ANKRD44: variants seen among roughly 807,000 people sequenced by gnomAD.
The protein encoded by ANKRD44 is ankyrin repeat domain 44, also known as serine/threonine-protein phosphatase 6 regulatory ankyrin repeat subunit B.
A neutral mutation model predicts 116.0 loss-of-function variants in ANKRD44; 35 were observed. The ratio of observed to expected loss-of-function variants is 0.30; its 90% confidence interval spans 0.23 to 0.40. The LOEUF (loss-of-function observed/expected upper bound fraction) is 0.40. ANKRD44 is among the 10% of genes least tolerant of loss of function. ANKRD44 has a pLI of 1.00. For missense variants in ANKRD44, 1,014 were observed against 1,242.6 expected, an observed-to-expected ratio of 0.82 and a Z score of 2.77; for synonymous variants, 435 against 461.8, an observed-to-expected ratio of 0.94 and a Z score of 0.74.
At chr2:197,297,994 C>T (rs2083774286) in intron 1 of ANKRD44, among the ~76,000 whole-genome samples, 1 of 152,168 alleles carries the variant, frequency 6.6e-6, no homozygotes, top group Non-Finnish European at 1.5e-5. Flanking sequence ...TGCTTATGGT[C>T]TATTCTTAAA....
At chr2:197,270,249 G>A (rs918011387) in intron 1 of ANKRD44, among the ~76,000 whole-genome samples, 1 of 152,226 alleles carries the variant, frequency 6.6e-6, no homozygotes, top group East Asian at 1.9e-4. Context: ...CAGAGTTAAG[G>A]CCTTGCACAT....
chr2:196,997,808 G>GAAA (rs34898441), intron 25 of ANKRD44, among the ~76,000 whole-genome samples: 1 of 150,332 alleles, frequency 6.7e-6, no homozygotes, highest in Non-Finnish European at 1.5e-5. Flanking sequence ...ACCACTATTT[G>GAAA]AAAAAAAAAA....
chr2:197,044,164 T>C (rs1309098889), intron 16 of ANKRD44, among the ~76,000 whole-genome samples: 3 of 152,252 alleles, frequency 2.0e-5, no homozygotes, highest in Admixed American at 2.0e-4. Context: ...CTTCTCTGTA[T>C]GTTATCATAG....
chr2:197,225,230 C>T (rs932626276), intron 1 of ANKRD44, among the ~76,000 whole-genome samples: 7 of 152,080 alleles, frequency 4.6e-5, no homozygotes, highest in African/African-American at 9.7e-5. Context: ...TTTTGCTATT[C>T]GAGCGTAAAC....
intron 8 of ANKRD44, among the ~76,000 whole-genome samples, chr2:197,112,506 G>C (rs1055603289): frequency 1.3e-5 from 2 of 152,036 alleles, no homozygotes; most frequent in Admixed American, 1.3e-4. Context: ...TCAGGAGATA[G>C]AGCCCATCTT....
chr2:197,083,358 G>A lies in ANKRD44; in HGVS notation c.1457+11C>T. The A allele has an allele frequency of 1.2e-6, 2 of 1,609,930 alleles. No homozygotes were observed. The highest frequency in any genetic ancestry group is 2.2e-5 in the East Asian group (1 of 44,768). On this transcript the variant is annotated intron_variant, in intron 14 of 27. Coordinates refer to ENST00000282272, the MANE Select transcript of ANKRD44 (RefSeq NM_001195144.2). The stretch of plus-strand genomic sequence containing the variant: ...TGTTCCCAGAGGAAGCATGAGCAAG[G>A]CTGTTTTTACTTTCTATCCATGTCT...
At chr2:197,069,057 A>G (rs1398530387) in intron 16 of ANKRD44, among the ~76,000 whole-genome samples, 1 of 152,272 alleles carries the variant, frequency 6.6e-6, no homozygotes, top group Admixed American at 6.5e-5. Flanking sequence ...CCAAATGTCC[A>G]TCAATGATAG....
intron 2 of ANKRD44, among the ~76,000 whole-genome samples, chr2:197,155,713 T>A (rs1307634735): frequency 6.6e-6 from 1 of 152,124 alleles, no homozygotes; most frequent in East Asian, 1.9e-4. Context: ...AATTATAAAA[T>A]ATCTAAAGGA....
intron 17 of ANKRD44, 60 bp from the exon 18 acceptor site, chr2:197,013,772 T>C: frequency 6.3e-7 from 1 of 1,582,322 alleles, no homozygotes. Flanking sequence ...CCCGCCACAG[T>C]CCACAGGAGG....
chr2:196,981,975 T>C (rs117681040), downstream of ANKRD44, among the ~76,000 whole-genome samples: 278 of 151,364 alleles, frequency 1.8e-3, 3 homozygotes, highest in East Asian at 0.037. Context: ...CTCTGACCAT[T>C]ATGTCTTGTC....
At chr2:197,043,146 G>A (rs189336026) in intron 16 of ANKRD44, among the ~76,000 whole-genome samples, 67 of 152,288 alleles carry the variant, frequency 4.4e-4, no homozygotes, top group Admixed American at 1.0e-3. Flanking sequence ...TTCAATAAAC[G>A]GGTTTAAGAA....
chr2:197,310,646 C>T lies in ANKRD44; in HGVS notation c.-42G>A, dbSNP rs1446558213. On this transcript the variant is annotated 5_prime_UTR_variant, in exon 1 of 28. Transcript: ENST00000282272. ...GCGCACACACATGCAGGTCCCCGGC[C>T]CGCAGATGTCACGCCGGGAGCCGGG... 2 of 1,336,146 alleles carry T rather than the reference C, an allele frequency of 1.5e-6. No homozygotes were observed. Among genetic ancestry groups the T allele is most frequent in the Admixed American group, 2.6e-5 (1 of 38,466 alleles). The allele number at this position is 1,336,146 out of a possible 1,614,324, so 82.8% of individuals were successfully genotyped here.
intron 1 of ANKRD44, among the ~76,000 whole-genome samples, chr2:197,204,839 G>T (rs2081171058): frequency 6.6e-6 from 1 of 152,192 alleles, no homozygotes. Context: ...TCTGAAAAAT[G>T]ACTATGTGGA....
intron 18 of ANKRD44, among the ~76,000 whole-genome samples, chr2:197,012,360 A>C (rs2125919715): frequency 6.6e-6 from 1 of 151,128 alleles, no homozygotes; most frequent in East Asian, 1.9e-4. Context: ...AATTGTCAGG[A>C]ATTATATAAT....
chr2:197,129,134 C>A (rs1298414969), intron 4 of ANKRD44, among the ~76,000 whole-genome samples: 1 of 150,692 alleles, frequency 6.6e-6, no homozygotes, highest in Non-Finnish European at 1.5e-5. Context: ...TTGTTTGTTT[C>A]TTTTTCTTTT....
chr2:197,117,847 C>T (rs191028802), intron 8 of ANKRD44, among the ~76,000 whole-genome samples: 10 of 152,304 alleles, frequency 6.6e-5, no homozygotes, highest in Non-Finnish European at 8.8e-5. Context: ...CAGCTCTTCT[C>T]TAGGTCCACT....
At chr2:197,227,751 T>C (rs1419591026) in intron 1 of ANKRD44, among the ~76,000 whole-genome samples, 1 of 152,184 alleles carries the variant, frequency 6.6e-6, no homozygotes, top group Non-Finnish European at 1.5e-5. Flanking sequence ...CATGGCTGTG[T>C]GTGTTGGGAA....
intron 3 of ANKRD44, among the ~76,000 whole-genome samples, chr2:197,143,446 C>T (rs752946633): frequency 1.3e-4 from 19 of 146,634 alleles, no homozygotes; most frequent in Middle Eastern, 3.6e-3. Context: ...TCAGAACATG[C>T]GGTGTTTGGT....
intron 1 of ANKRD44, among the ~76,000 whole-genome samples, chr2:197,299,699 G>A (rs1285659483): frequency 6.6e-6 from 1 of 152,234 alleles, no homozygotes; most frequent in Non-Finnish European, 1.5e-5. Flanking sequence ...AGAAAGGAGT[G>A]AGGGATAAAA....
Sources: allele counts gnomAD v4.1 joint callset (sites outside exome capture counted in the v4.1 genomes callset), GRCh38; gene constraint gnomAD v4.1.1; transcripts MANE v1.5; gene names NCBI Gene and HGNC (gene_info 2026-07-23, HGNC 2026-07-21).